The following RASAL2 variants were observed in gnomAD, a reference collection of about 807,000 sequenced individuals.
RASAL2 encodes RAS protein activator like 2.
A neutral mutation model predicts 128.9 loss-of-function variants in RASAL2; 58 were observed. That is an observed-to-expected ratio of 0.45 (90% CI 0.36 to 0.56). RASAL2 has a LOEUF of 0.56. Ranked by LOEUF, RASAL2 falls within the 20% of genes least tolerant of loss-of-function variation. The probability of loss-of-function intolerance (pLI) is 0.00; values close to 1 mark genes in which losing one functional copy is unlikely to be tolerated. For missense variants in RASAL2, 1,360 were observed against 1,601.6 expected, an observed-to-expected ratio of 0.85 and a Z score of 2.57; for synonymous variants, 561 against 580.8, an observed-to-expected ratio of 0.97 and a Z score of 0.49.
chr1:178,300,264 T>A (rs1304524401), intron 3 of RASAL2, 146 bp downstream of exon 3: 1 of 964,562 alleles, frequency 1.0e-6, no homozygotes, highest in Non-Finnish European at 1.5e-6. Flanking sequence ...TAGAGGTCAT[T>A]AGAGAGTTCT....
intron 1 of RASAL2, among the ~76,000 whole-genome samples, chr1:178,171,374 A>G (rs967992880): frequency 1.3e-5 from 2 of 151,924 alleles, no homozygotes; most frequent in African/African-American, 2.4e-5. Flanking sequence ...GCAGACTGTC[A>G]TATATATTCC....
chr1:178,269,668 A>C (rs1006606114), intron 1 of RASAL2, among the ~76,000 whole-genome samples: 1 of 152,224 alleles, frequency 6.6e-6, no homozygotes, highest in Non-Finnish European at 1.5e-5. Context: ...TACAAATGCC[A>C]TGACAACGTA....
intron 1 of RASAL2, among the ~76,000 whole-genome samples, chr1:178,217,493 T>C (rs571314330): frequency 6.6e-6 from 1 of 152,296 alleles, no homozygotes; most frequent in South Asian, 2.1e-4. Flanking sequence ...GTGTTGTACA[T>C]TTATGAGTTT....
chr1:178,267,676 A>G (rs1171949640), intron 1 of RASAL2, among the ~76,000 whole-genome samples: 3 of 143,854 alleles, frequency 2.1e-5, no homozygotes, highest in Non-Finnish European at 4.5e-5. Flanking sequence ...GCTGGAATGC[A>G]GGGCTCACTG....
In RASAL2 at chr1:178,094,534, G is replaced by C. The variant is rs760704141; in HGVS notation, c.42G>C (p.Leu14=). ...SPSSGGAAEA[L]SWPEMFPALE... is the part of the protein sequence containing the mutation. ...CGTCCGGAGGAGCCGCGGAGGCGCT[G>C]TCCTGGCCGGAGATGTTCCCGGCGC... The change falls in exon 1 of 18, where the codon CTG becomes CTC. Residue 14 remains leucine, a synonymous_variant. Transcript: ENST00000367649. The C allele has an allele frequency of 2.3e-5, 36 of 1,579,984 alleles. No homozygotes were observed. The highest frequency in any genetic ancestry group is 9.1e-5 in the Admixed American group (5 of 54,772).
At chr1:178,332,397 CAGG>C (rs1312354287) in intron 3 of RASAL2, among the ~76,000 whole-genome samples, 1 of 151,786 alleles carries the variant, frequency 6.6e-6, no homozygotes, top group Non-Finnish European at 1.5e-5. Context: ...CCCAGCTACT[CAGG>C]AGGCTGAGGC....
At chr1:178,152,867 C>T (rs1660961363) in intron 1 of RASAL2, among the ~76,000 whole-genome samples, 1 of 152,128 alleles carries the variant, frequency 6.6e-6, no homozygotes, top group Non-Finnish European at 1.5e-5. Flanking sequence ...AAGCAAATCT[C>T]AGACATTATT....
intron 1 of RASAL2, among the ~76,000 whole-genome samples, chr1:178,178,723 A>G (rs1402142855): frequency 6.6e-6 from 1 of 152,196 alleles, no homozygotes; most frequent in African/African-American, 2.4e-5. Flanking sequence ...CAACTTGAAC[A>G]CAAGAGATCA....
chr1:178,398,734 C>T (rs1029167671), intron 4 of RASAL2, among the ~76,000 whole-genome samples: 1 of 152,140 alleles, frequency 6.6e-6, no homozygotes, highest in Non-Finnish European at 1.5e-5. Context: ...TGTAGTGCTG[C>T]ACATTTCTTC....
At chr1:178,113,625 C>A (rs1277859557) in intron 1 of RASAL2, among the ~76,000 whole-genome samples, 1 of 151,012 alleles carries the variant, frequency 6.6e-6, no homozygotes, top group African/African-American at 2.4e-5. Flanking sequence ...TCAAGCAATC[C>A]CCCAACCTTC....
intron 1 of RASAL2, among the ~76,000 whole-genome samples, chr1:178,190,775 C>T: frequency 6.6e-6 from 1 of 150,706 alleles, no homozygotes; most frequent in East Asian, 1.9e-4. Flanking sequence ...CCGGAATAAA[C>T]AGTCACTGTG....
At chr1:178,266,461 G>A (rs1299983118) in intron 1 of RASAL2, among the ~76,000 whole-genome samples, 4 of 152,114 alleles carry the variant, frequency 2.6e-5, no homozygotes, top group African/African-American at 9.7e-5. Context: ...ATTTACACTT[G>A]GTTTTACTGG....
chr1:178,155,236 C>G (rs1034369403), intron 1 of RASAL2, among the ~76,000 whole-genome samples: 26 of 152,084 alleles, frequency 1.7e-4, no homozygotes, highest in Non-Finnish European at 3.4e-4. Context: ...TTAGAAAATA[C>G]TGTAATATTC....
At chr1:178,310,111 T>A (rs1374037402) in intron 3 of RASAL2, among the ~76,000 whole-genome samples, 7 of 152,182 alleles carry the variant, frequency 4.6e-5, no homozygotes, top group Admixed American at 4.6e-4. Flanking sequence ...GTTAGAAATA[T>A]CTAGATAATT....
intron 3 of RASAL2, among the ~76,000 whole-genome samples, chr1:178,369,585 G>A (rs1671591936): frequency 6.6e-6 from 1 of 151,940 alleles, no homozygotes; most frequent in Admixed American, 6.6e-5. Context: ...GGATTATTTT[G>A]ATGACCTTTC....
intron 1 of RASAL2, 111 bp from the exon 2 acceptor site, chr1:178,283,453 C>G: frequency 7.7e-7 from 1 of 1,291,624 alleles, no homozygotes; most frequent in South Asian, 1.6e-5. Flanking sequence ...CATTGAGATT[C>G]GTGTTTAGGC....
In RASAL2 at chr1:178,135,496, T is replaced by TAAAAA. The variant is rs1207102103; in HGVS notation, c.202+40818_202+40822dup. On this transcript the variant is annotated intron_variant, in intron 1 of 17. Transcript: ENST00000367649. ...GAATGTTGAAAATCTTGTCTCTTCATAAAAAAAAAAAAAAAAAAAAGCCAT... is the reference window on the plus strand; with the variant it reads ...GAATGTTGAAAATCTTGTCTCTTCATAAAAAAAAAAAAAAAAAAAAAAAAAGCCAT... Among the ~76,000 whole-genome samples, 128 of 115,784 alleles carry TAAAAA rather than the reference T, an allele frequency of 1.1e-3. 5 individuals are homozygous for TAAAAA. The highest frequency in any genetic ancestry group is 1.5e-3 in the African/African-American group (48 of 31,734). 76.0% of individuals were successfully genotyped at this position (115,784 alleles called of 152,430 possible).
intron 4 of RASAL2, among the ~76,000 whole-genome samples, chr1:178,415,712 T>C (rs1244274681): frequency 6.6e-6 from 1 of 152,152 alleles, no homozygotes; most frequent in Admixed American, 6.5e-5. Flanking sequence ...TAGCAACTCT[T>C]ACCAGTTTTG....
intron 14 of RASAL2, 47 bp from the exon 15 acceptor site, chr1:178,464,231 C>T: frequency 6.5e-7 from 1 of 1,549,766 alleles, no homozygotes; most frequent in East Asian, 2.3e-5. Context: ...AAACATAGCA[C>T]ACGGGTGAGC....
Sources: allele counts gnomAD v4.1 joint callset (sites outside exome capture counted in the v4.1 genomes callset), GRCh38; gene constraint gnomAD v4.1.1; transcripts MANE v1.5; gene names NCBI Gene and HGNC (gene_info 2026-07-23, HGNC 2026-07-21).